PTPRD: variants seen among roughly 807,000 people sequenced by gnomAD.
The protein encoded by PTPRD is receptor-type tyrosine-protein phosphatase delta.
In PTPRD, 34 loss-of-function variants were observed where a neutral mutation model predicts 214.5. The observed-to-expected ratio is 0.16, with a 90% CI of 0.12 to 0.21. PTPRD has a LOEUF of 0.21. Among genes scored for constraint, PTPRD ranks in the 10% least tolerant of loss-of-function variants. The pLI, the probability that PTPRD is intolerant of heterozygous loss-of-function variation, is 1.00. For missense variants in PTPRD, 2,545 were observed against 2,398.7 expected, an observed-to-expected ratio of 1.06 and a Z score of -1.27; for synonymous variants, 1,128 against 845.7, an observed-to-expected ratio of 1.33 and a Z score of -5.79.
chr9:9,795,550 T>C (rs1176261121), intron 5 of PTPRD, among the ~76,000 whole-genome samples: 1 of 152,180 alleles, frequency 6.6e-6, no homozygotes, highest in Non-Finnish European at 1.5e-5. Flanking sequence ...CATTGATACT[T>C]AGTCAAAAAG....
At position 10,039,017 on chromosome 9, in the gene PTPRD, T is replaced by C. The variant is rs553167189; in HGVS notation, c.-544-5227A>G. Among the ~76,000 whole-genome samples, 135 of 152,170 alleles carry C rather than the reference T, an allele frequency of 8.9e-4. 1 individual carries two copies. Among genetic ancestry groups the C allele is most frequent in the African/African-American group, 3.2e-3 (135 of 41,572 alleles). On this transcript the variant is annotated intron_variant, in intron 3 of 45. Coordinates refer to ENST00000381196, the MANE Select transcript of PTPRD (RefSeq NM_002839.4). ...GTCTAGGTACAAAAATGTATGACTA[T>C]GAAAAAAGTTACCCTAAATGCCATC... is the stretch of plus-strand genomic sequence containing the variant.
chr9:8,420,771 G>A (rs1214666594), intron 35 of PTPRD, among the ~76,000 whole-genome samples: 1 of 151,294 alleles, frequency 6.6e-6, no homozygotes, highest in Non-Finnish European at 1.5e-5. Context: ...CTCAGAGTTA[G>A]CTTTGAGACA....
At chr9:9,700,453 A>G (rs776909620) in intron 7 of PTPRD, among the ~76,000 whole-genome samples, 1 of 152,104 alleles carries the variant, frequency 6.6e-6, no homozygotes, top group Non-Finnish European at 1.5e-5. Context: ...TGAGATGTGT[A>G]AGGCACTCTA....
intron 10 of PTPRD, among the ~76,000 whole-genome samples, chr9:9,085,207 C>A (rs1044248131): frequency 2.6e-5 from 4 of 151,996 alleles, no homozygotes; most frequent in African/African-American, 9.7e-5. Context: ...ATAAAAAGAT[C>A]AAGACTGAAA....
chr9:10,171,056 T>C (rs573297430), intron 3 of PTPRD, among the ~76,000 whole-genome samples: 22 of 152,322 alleles, frequency 1.4e-4, no homozygotes, highest in African/African-American at 4.1e-4. Flanking sequence ...ATATATTTGT[T>C]GAAATACATG....
chr9:9,606,546 C>T (rs2094166032), intron 7 of PTPRD, among the ~76,000 whole-genome samples: 1 of 152,014 alleles, frequency 6.6e-6, no homozygotes, highest in South Asian at 2.1e-4. Context: ...ATTACAATAT[C>T]TGGCAATCTT....
intron 8 of PTPRD, among the ~76,000 whole-genome samples, chr9:9,478,951 A>G (rs548181809): frequency 1.2e-4 from 19 of 152,336 alleles, no homozygotes; most frequent in Admixed American, 7.8e-4. Flanking sequence ...CATAGTAAAC[A>G]TGGCCTAAAA....
intron 2 of PTPRD, among the ~76,000 whole-genome samples, chr9:10,599,053 T>C (rs916630004): frequency 2.0e-5 from 3 of 151,716 alleles, no homozygotes; most frequent in Admixed American, 6.6e-5. Context: ...TGACCACTTA[T>C]CTAGGTTCAA....
At chr9:8,446,861 A>G (rs925266613) in intron 34 of PTPRD, among the ~76,000 whole-genome samples, 13 of 152,214 alleles carry the variant, frequency 8.5e-5, no homozygotes, top group African/African-American at 3.1e-4. Flanking sequence ...GAACAACCAC[A>G]AAAGGGTTAC....
In PTPRD at chr9:9,001,857, T is replaced by A. The variant is rs2099420501; in HGVS notation, c.-104+16840A>T. 2.0e-5 allele frequency among the ~76,000 whole-genome samples: 3 copies of A among 151,974 alleles called. No homozygotes were observed. The South Asian group carries it at 6.2e-4, about 31-fold the overall frequency. ...AATAAAGTAGAAACTAGGCACATAT[T>A]TTTCTTCTTTGATTCTTCCTATTTC... On this transcript the variant is annotated intron_variant, in intron 11 of 45. Transcript: ENST00000381196.
chr9:8,978,707 G>A (rs1337945523), intron 11 of PTPRD, among the ~76,000 whole-genome samples: 5 of 152,116 alleles, frequency 3.3e-5, no homozygotes, highest in Non-Finnish European at 7.4e-5. Flanking sequence ...GCCTTGGACG[G>A]CAATACTGCT....
intron 9 of PTPRD, among the ~76,000 whole-genome samples, chr9:9,257,748 C>A (rs1652149856): frequency 6.6e-6 from 1 of 151,910 alleles, no homozygotes; most frequent in Non-Finnish European, 1.5e-5. Context: ...TGCACTACTG[C>A]ACTCCAGTCT....
Position 8,315,870 on chromosome 9 carries a change from T to A in PTPRD, c.*2004A>T, listed in dbSNP as rs1282969712. ...GAGGATTATTTAAAATCATGTAATA[T>A]GTGGCAAACTTATGCCATCATCCAT... is the stretch of plus-strand genomic sequence containing the variant. On this transcript the variant is annotated 3_prime_UTR_variant, in exon 46 of 46. Transcript: ENST00000381196. 6 of 225,134 alleles carry A rather than the reference T, an allele frequency of 2.7e-5. No homozygotes were observed. 13.9% of individuals were successfully genotyped at this position (225,134 alleles called of 1,614,324 possible). A position where few individuals can be genotyped will look rare whatever the true frequency, so the allele number is the denominator to read the frequency against.
intron 5 of PTPRD, among the ~76,000 whole-genome samples, chr9:9,807,593 G>C (rs879470291): frequency 2.6e-5 from 4 of 152,114 alleles, no homozygotes; most frequent in Non-Finnish European, 4.4e-5. Flanking sequence ...TTTACCCTGA[G>C]ATAACTTTGT....
At chr9:8,374,018 GA>G (rs1050396829) in intron 39 of PTPRD, among the ~76,000 whole-genome samples, 13 of 151,234 alleles carry the variant, frequency 8.6e-5, no homozygotes, top group South Asian at 2.1e-4. Context: ...AATGCAATGT[GA>G]AAAAAATCAT....
At chr9:9,280,337 T>C (rs537060630) in intron 9 of PTPRD, among the ~76,000 whole-genome samples, 3 of 151,366 alleles carry the variant, frequency 2.0e-5, no homozygotes, top group East Asian at 2.0e-4. Flanking sequence ...TAGGGAAATA[T>C]AACATATAAC....
chr9:9,439,392 T>C (rs1488246575), intron 8 of PTPRD, among the ~76,000 whole-genome samples: 1 of 152,202 alleles, frequency 6.6e-6, no homozygotes, highest in Admixed American at 6.5e-5. Flanking sequence ...GTCTTAGGTC[T>C]TATCTAACAA....
intron 10 of PTPRD, among the ~76,000 whole-genome samples, chr9:9,094,774 A>G (rs2099781122): frequency 6.6e-6 from 1 of 152,180 alleles, no homozygotes; most frequent in Non-Finnish European, 1.5e-5. Flanking sequence ...ACAACAACAT[A>G]CAATTTCCAT....
chr9:9,082,220 C>T (rs1190259639), intron 10 of PTPRD, among the ~76,000 whole-genome samples: 1 of 151,984 alleles, frequency 6.6e-6, no homozygotes, highest in Non-Finnish European at 1.5e-5. Context: ...AAAATACTGG[C>T]AAACCGAATC....
Sources: gnomAD v4.1 joint callset for allele counts (sites outside exome capture counted in the v4.1 genomes callset) on GRCh38, gnomAD v4.1.1 for gene constraint, MANE v1.5 for transcripts, NCBI Gene and HGNC (gene_info 2026-07-23, HGNC 2026-07-21) for gene names.